Variants in ARFGEF1 observed in about 807,000 individuals in gnomAD.
The protein encoded by ARFGEF1 is brefeldin A-inhibited guanine nucleotide-exchange protein 1.
A neutral mutation model predicts 231.0 loss-of-function variants in ARFGEF1; 42 were observed. The ratio of observed to expected loss-of-function variants is 0.18; its 90% confidence interval spans 0.14 to 0.24. The LOEUF (loss-of-function observed/expected upper bound fraction) is 0.24. ARFGEF1 is among the 10% of genes least tolerant of loss of function. The pLI is 1.00. For missense variants in ARFGEF1, 1,345 were observed against 2,192.0 expected, an observed-to-expected ratio of 0.61 and a Z score of 7.72; for synonymous variants, 710 against 732.3, an observed-to-expected ratio of 0.97 and a Z score of 0.49.
At chr8:67,252,743 T>C (rs1159190642) in intron 18 of ARFGEF1, among the ~76,000 whole-genome samples, 9 of 152,178 alleles carry the variant, frequency 5.9e-5, no homozygotes, top group Non-Finnish European at 1.3e-4. Context: ...AGTTGCCTCC[T>C]GGTGTTAGTT....
intron 34 of ARFGEF1, among the ~76,000 whole-genome samples, chr8:67,206,598 G>C (rs149903612): frequency 6.6e-6 from 1 of 152,118 alleles, no homozygotes; most frequent in African/African-American, 2.4e-5. Context: ...ACACACTCAC[G>C]GGCGTGCTCC....
At chr8:67,180,259 T>C (rs1258988806) in intron 5 of ARFGEF1, among the ~76,000 whole-genome samples, 1 of 152,180 alleles carries the variant, frequency 6.6e-6, no homozygotes, top group Non-Finnish European at 1.5e-5. Flanking sequence ...GAATACCACT[T>C]AGCAATAAAA....
At chr8:67,264,292 G>A (rs918420134) in intron 14 of ARFGEF1, among the ~76,000 whole-genome samples, 6 of 152,086 alleles carry the variant, frequency 3.9e-5, no homozygotes, top group South Asian at 2.1e-4. Context: ...GTGGGAGATC[G>A]AGAAAAGAGT....
chr8:67,313,439 A>G (rs748396971), intron 1 of ARFGEF1, among the ~76,000 whole-genome samples: 1 of 152,124 alleles, frequency 6.6e-6, no homozygotes, highest in Non-Finnish European at 1.5e-5. Flanking sequence ...TCTAGGGCTG[A>G]AGGCTGTTGT....
intron 7 of ARFGEF1, among the ~76,000 whole-genome samples, chr8:67,283,554 AT>A (rs1370416632): frequency 6.6e-6 from 1 of 152,142 alleles, no homozygotes; most frequent in Non-Finnish European, 1.5e-5. Flanking sequence ...AAAACACACC[AT>A]AATAAGATCA....
chr8:67,296,144 T>C (rs867578241), intron 5 of ARFGEF1, among the ~76,000 whole-genome samples: 31 of 152,186 alleles, frequency 2.0e-4, no homozygotes, highest in Admixed American at 1.8e-3. Context: ...TAAGTTTGAA[T>C]GCAATAAAAG....
rs112331011 is a variant in ARFGEF1, at chr8:67,201,528, G to A, written c.5206C>T (p.Arg1736Trp). 3.7e-6 allele frequency: 6 copies of A among 1,613,444 alleles called. No individual in the cohort carries two copies. Among genetic ancestry groups the A allele is most frequent in the African/African-American group, 1.3e-5 (1 of 74,880 alleles). ...SLACGLRILFRMYMDESRVSA... is the reference protein window; with the variant it reads ...SLACGLRILFWMYMDESRVSA... ...ACGCGGCTCTCATCCATGTACATCC[G>A]GAAGAGAATGCGCAGCCCACAGGCC... Residue 1736 changes from arginine to tryptophan, a missense_variant, in exon 37 of 39, where the codon CGG becomes TGG. This residue lies in a region of ARFGEF1 where 161 missense variants were observed against 284.9 expected (regional missense o/e 0.57). Transcript: ENST00000262215.
At chr8:67,325,527 T>C (rs760707049) in intron 1 of ARFGEF1, among the ~76,000 whole-genome samples, 5 of 152,156 alleles carry the variant, frequency 3.3e-5, no homozygotes, top group Non-Finnish European at 7.3e-5. Flanking sequence ...TAATGCCCCA[T>C]GTTCCAAAAT....
chr8:67,256,416 G>A (rs1011393749), intron 17 of ARFGEF1, among the ~76,000 whole-genome samples: 6 of 151,888 alleles, frequency 4.0e-5, no homozygotes, highest in Admixed American at 6.6e-5. Context: ...GTATATAATC[G>A]TATATATTCT....
At chr8:67,335,396 C>T (rs1024500248) in intron 1 of ARFGEF1, among the ~76,000 whole-genome samples, 4 of 152,140 alleles carry the variant, frequency 2.6e-5, no homozygotes, top group Non-Finnish European at 5.9e-5. Context: ...CCAGCCACCA[C>T]GCCGGGCCCC....
chr8:67,236,873 C>T (rs1205861868), intron 22 of ARFGEF1, among the ~76,000 whole-genome samples: 1 of 152,128 alleles, frequency 6.6e-6, no homozygotes, highest in African/African-American at 2.4e-5. Flanking sequence ...TCCTTGCAAC[C>T]TAAGTAGCAC....
chr8:67,227,686 G>C (rs1839421711), intron 25 of ARFGEF1, 88 bp from the exon 26 acceptor site: 1 of 1,373,038 alleles, frequency 7.3e-7, no homozygotes, highest in South Asian at 1.4e-5. Flanking sequence ...AAAAAGTATA[G>C]AATAGCATAG....
chr8:67,304,454 ATT>A (rs779680491), intron 1 of ARFGEF1, among the ~76,000 whole-genome samples: 1 of 152,254 alleles, frequency 6.6e-6, no homozygotes, highest in Non-Finnish European at 1.5e-5. Flanking sequence ...TCACAATGAT[ATT>A]TAAGATCTGT....
intron 7 of ARFGEF1, among the ~76,000 whole-genome samples, chr8:67,281,698 G>T (rs1805543251): frequency 6.6e-6 from 1 of 151,898 alleles, no homozygotes; most frequent in African/African-American, 2.4e-5. Flanking sequence ...ATAGCCAAAT[G>T]AAAAACTTTT....
chr8:67,211,641 T>C, intron 33 of ARFGEF1, 26 bp from the exon 34 acceptor site: 1 of 1,329,368 alleles, frequency 7.5e-7, no homozygotes, highest in Non-Finnish European at 1.0e-6. Context: ...AAAATCACTG[T>C]AAGTATGGTT....
intron 37 of ARFGEF1, 151 bp downstream of exon 37, chr8:67,201,315 TA>T: frequency 1.0e-6 from 1 of 981,016 alleles, no homozygotes; most frequent in Non-Finnish European, 1.4e-6. Context: ...CACTCATCTC[TA>T]AGACTGAATT....
At position 67,301,511 on chromosome 8, in the gene ARFGEF1, G is replaced by A. The variant is rs984916832; in HGVS notation, c.156-131C>T. ...CCAGTCCTCTATCTTCCCATATTTC[G>A]AGAGGAAACCCAAGCCCAGAGAAGT... On this transcript the variant is annotated intron_variant, in intron 2 of 38. Transcript: ENST00000262215. The A allele has an allele frequency of 5.7e-5, 57 of 994,976 alleles. No homozygotes were observed. In the South Asian group the frequency reaches 8.2e-4, roughly 14 times the overall value. 61.6% of individuals were successfully genotyped at this position (994,976 alleles called of 1,614,324 possible).
intron 1 of ARFGEF1, among the ~76,000 whole-genome samples, chr8:67,327,322 T>TTC (rs1807880077): frequency 6.7e-6 from 1 of 149,988 alleles, no homozygotes; most frequent in African/African-American, 2.4e-5. Flanking sequence ...CGTACGTCTT[T>TTC]TTTTTTTTTT....
In ARFGEF1 at chr8:67,320,399, G is replaced by A. The variant is rs960729645; in HGVS notation, c.125-17933C>T. ...GGAGCAACAAGAACGCAAATACACC[G>A]TTGGTAGAAATGCACAATAGCACAG... On this transcript the variant is annotated intron_variant, in intron 1 of 38. Coordinates refer to ENST00000262215, the MANE Select transcript of ARFGEF1 (RefSeq NM_006421.5). Among the ~76,000 whole-genome samples the A allele has an allele frequency of 3.9e-5, 6 of 152,020 alleles. No homozygotes were observed. In the East Asian group the frequency reaches 5.8e-4, roughly 15 times the overall value.
Sources: allele counts gnomAD v4.1 joint callset (sites outside exome capture counted in the v4.1 genomes callset), GRCh38; gene constraint gnomAD v4.1.1; regional missense constraint gnomAD v4.1.1; transcripts MANE v1.5; gene names NCBI Gene and HGNC (gene_info 2026-07-23, HGNC 2026-07-21).